Variants in FER1L5 observed in about 807,000 individuals in gnomAD.
FER1L5 encodes the protein fer-1-like protein 5.
FER1L5 carries 187 observed loss-of-function variants against 279.9 expected under a neutral mutation model. The ratio of observed to expected loss-of-function variants is 0.67; its 90% CI spans 0.59 to 0.75. The LOEUF is 0.75. Ranked by LOEUF, FER1L5 falls within the 30% of genes least tolerant of loss-of-function variation. The pLI is 0.00. For synonymous variants in FER1L5, 921 were observed against 989.7 expected (o/e 0.93, Z 1.30); for missense variants, 2,091 against 2,594.4 (o/e 0.81, Z 4.21).
At chr2:96,661,217 T>C in intron 10 of FER1L5, 108 bp from the exon 11 acceptor site, 1 of 688,470 alleles carries the variant, frequency 1.5e-6, no homozygotes, top group Non-Finnish European at 2.4e-6. Context: ...GAAAGCAGGA[T>C]GCCTGAGACC....
Position 96,692,905 on chromosome 2 carries a change from C to T in FER1L5, c.3293-601C>T, listed in dbSNP as rs758163057. Among the ~76,000 whole-genome samples, 64 of 152,072 alleles carry T rather than the reference C, an allele frequency of 4.2e-4. 2 individuals are homozygous for T. The highest frequency in any genetic ancestry group is 7.6e-4 in the Non-Finnish European group (52 of 67,998). The stretch of plus-strand genomic sequence containing the variant: ...GAAAGGGCAGCCACAGAGCTGGGCG[C>T]GGTGACTCACACCTGTAATTCCTGC... On this transcript the variant is annotated intron_variant, in intron 31 of 52. Coordinates refer to ENST00000624922, the MANE Select transcript of FER1L5 (RefSeq NM_001293083.2).
intron 50 of FER1L5, 86 bp downstream of exon 50, chr2:96,703,432 CTT>C: frequency 6.2e-7 from 1 of 1,604,826 alleles, no homozygotes; most frequent in East Asian, 2.2e-5. Flanking sequence ...AGCTAAATCC[CTT>C]TTCCTTTCTT....
Position 96,704,770 on chromosome 2 carries a change from C to G in FER1L5, c.*78C>G. ...CTGGCTACCAGTTCTTTGTTTCTAT[C>G]TTCTAGAATATATGCAAGATGCTAG... On this transcript the variant is annotated 3_prime_UTR_variant, in exon 53 of 53. Transcript: ENST00000624922. The G allele has an allele frequency of 9.1e-6, 10 of 1,104,458 alleles. 1 individual carries two copies. Among genetic ancestry groups the G allele is most frequent in the Middle Eastern group, 2.1e-4 (1 of 4,750 alleles). 68.4% of individuals were successfully genotyped at this position (1,104,458 alleles called of 1,614,324 possible).
rs1312961391 is a variant in FER1L5 at position 96,703,626 on chromosome 2, C to A, written c.5795C>A (p.Pro1932His). The A allele has an allele frequency of 1.2e-6, 2 of 1,613,738 alleles. No homozygotes were observed. The highest frequency in any genetic ancestry group is 1.7e-6 in the Non-Finnish European group (2 of 1,179,858). ...CCCAACCAGTACCCCACACTTCATC[C>A]TCCCCTGTAAGGGTCCTTGGGGCAA... is the stretch of plus-strand genomic sequence containing the variant. Reference protein sequence around the residue: ...SEPNQYPTLHPPLRTNTSFTW... With the variant: ...SEPNQYPTLHHPLRTNTSFTW... The change falls in exon 51 of 53, where the codon CCT becomes CAT. Residue 1932 changes from proline (P) to histidine (H), a missense_variant. Pro to His is a moderately conservative substitution (Grantham distance 77). Coordinates refer to ENST00000624922, the MANE Select transcript of FER1L5 (RefSeq NM_001293083.2).
chr2:96,682,543 G>A (rs1181013289), intron 19 of FER1L5, among the ~76,000 whole-genome samples: 1 of 152,214 alleles, frequency 6.6e-6, no homozygotes, highest in East Asian at 1.9e-4. Context: ...TTAGGACTAT[G>A]TACACTGGTT....
Position 96,704,428 on chromosome 2 carries a change from A to C in FER1L5, c.5950-40A>C. 1.9e-6 allele frequency: 3 copies of C among 1,613,014 alleles called. No homozygotes were observed. In the South Asian group the frequency reaches 3.3e-5, roughly 18 times the overall value. On this transcript the variant is annotated intron_variant, in intron 52 of 52. Coordinates refer to ENST00000624922, the MANE Select transcript of FER1L5 (RefSeq NM_001293083.2). ...GGATGACTCTGGGGACAGCGTCTTC[A>C]GCTTGCCACCCCAGGCTAACTGTTG...
In FER1L5 at chr2:96,699,929, C is replaced by T. The variant is rs1242921050; in HGVS notation, c.4782-3C>T. The T allele has an allele frequency of 1.9e-6, 3 of 1,613,200 alleles. No individual in the cohort carries two copies. The highest frequency in any genetic ancestry group is 2.5e-6 in the Non-Finnish European group (3 of 1,179,600). On this transcript the variant is annotated splice_region_variant and splice_polypyrimidine_tract_variant and intron_variant, in intron 43 of 52. Transcript: ENST00000624922. Reference sequence around the variant, plus strand: ...AGACCTCTTCCTCTCACATCCCCCACAGGTCAGGGCCCTTTAGATGGCGGG... The same window carrying T: ...AGACCTCTTCCTCTCACATCCCCCATAGGTCAGGGCCCTTTAGATGGCGGG...
At chr2:96,682,794 C>T (rs1439833033) in intron 19 of FER1L5, among the ~76,000 whole-genome samples, 2 of 152,232 alleles carry the variant, frequency 1.3e-5, no homozygotes, top group Non-Finnish European at 2.9e-5. Context: ...TAGCCTCAAA[C>T]TCCTGGGCTC....
At chr2:96,658,772 G>A (rs1376930721) in intron 9 of FER1L5, among the ~76,000 whole-genome samples, 2 of 152,012 alleles carry the variant, frequency 1.3e-5, no homozygotes, top group East Asian at 1.9e-4. Context: ...AACGACTAAC[G>A]ATGTTGAGCA....
At chr2:96,695,307 C>A in intron 34 of FER1L5, 1 of 665,458 alleles carries the variant, frequency 1.5e-6, no homozygotes, top group Non-Finnish European at 2.4e-6. Flanking sequence ...CGTCCCAGCC[C>A]CGAGGGCAAG....
Position 96,685,975 on chromosome 2 carries a change from C to T in FER1L5, c.1931C>T (p.Ala644Val). 2 of 1,549,678 alleles carry T rather than the reference C, an allele frequency of 1.3e-6. No homozygotes were observed. Among genetic ancestry groups the T allele is most frequent in the South Asian group, 2.4e-5 (2 of 83,768 alleles). Residue 644 changes from alanine to valine, a missense_variant, in exon 22 of 53, where the codon GCC becomes GTC. Coordinates refer to ENST00000624922, the MANE Select transcript of FER1L5 (RefSeq NM_001293083.2). ...PLPCMTYQPK[A>V]TSLDRKRWQL... is the part of the protein sequence containing the mutation. The stretch of plus-strand genomic sequence containing the variant: ...CCCTGCATGACCTATCAGCCCAAAG[C>T]CACCAGCCTGGACAGGAAGAGGTGG...
intron 12 of FER1L5, 38 bp from the exon 13 acceptor site, chr2:96,662,177 G>A (rs1436357305): frequency 6.5e-7 from 1 of 1,547,218 alleles, no homozygotes; most frequent in Non-Finnish European, 8.7e-7. Context: ...CCTGAAAAAT[G>A]CTGCTGGCTC....
chr2:96,702,145 C>A lies in FER1L5; in HGVS notation c.5159+102C>A. On this transcript the variant is annotated intron_variant, in intron 46 of 52. Coordinates refer to ENST00000624922, the MANE Select transcript of FER1L5 (RefSeq NM_001293083.2). This position sits in a 1 kb window ranked among gnomAD's most constrained non-coding sequence, Gnocchi z 4.0. ...GGTACTGAGCTGCAGTAATTCGTTT[C>A]TCTATTGGGAAGAGAGGAAGCTCTA... The A allele has an allele frequency of 6.4e-7, 1 of 1,571,700 alleles. No homozygotes were observed. The highest frequency in any genetic ancestry group is 2.3e-5 in the East Asian group (1 of 44,350).
intron 10 of FER1L5, among the ~76,000 whole-genome samples, chr2:96,660,735 G>C (rs1388384190): frequency 6.6e-6 from 1 of 152,004 alleles, no homozygotes; most frequent in Non-Finnish European, 1.5e-5. Flanking sequence ...TTTATTTTTA[G>C]TAGAGATGGG....
intron 9 of FER1L5, among the ~76,000 whole-genome samples, chr2:96,659,407 T>TTCCTTTCTTTCTTTCTTTCTTTCTG (rs2075811401): frequency 3.1e-4 from 2 of 6,374 alleles, no homozygotes; most frequent in Non-Finnish European, 5.7e-4. Flanking sequence ...CTTTCTTTCT[T>TTCCTTTCTTTCTTTCTTTCTTTCTG]TCTTTCTTTC....
rs1373143675 is a variant in FER1L5, at chr2:96,693,947, C to G, written c.3511C>G (p.Pro1171Ala). 3 of 1,551,486 alleles carry G rather than the reference C, an allele frequency of 1.9e-6. No homozygotes were observed. In the Admixed American group the frequency reaches 5.9e-5, roughly 30 times the overall value. Residue 1171 changes from proline to alanine, a missense_variant, in exon 33 of 53, where the codon CCA (proline) becomes GCA (alanine). By Grantham distance (27) the Pro-to-Ala change is conservative. Transcript: ENST00000624922. ...CTTGTGGGGACGGAGCGTGTGGCCC[C>G]CAATGGTCTGGCTGGATCTCCAGGA... The part of the protein sequence containing the change: ...ESLWGRSVWP[P>A]MVWLDLQDRI...
intron 13 of FER1L5, 97 bp downstream of exon 13, chr2:96,662,364 T>C: frequency 8.9e-7 from 1 of 1,122,500 alleles, no homozygotes; most frequent in Non-Finnish European, 1.3e-6. Flanking sequence ...ACAGGAATCA[T>C]CTCCCAGTCA....
chr2:96,673,251 G>C lies in FER1L5; in HGVS notation c.1666G>C (p.Asp556His). Residue 556 changes from aspartate to histidine, a missense_variant, in exon 19 of 53, where the codon GAT becomes CAT. Physicochemically the swap from Asp to His is moderately conservative, Grantham distance 81. Transcript: ENST00000624922. ...CACACCGTACAGCCCAGTGATATAT[G>C]ATGGTAATTGTCAGATTCAGGCAAT... ...SSTPYSPVIY[D>H]GNIYHYVPWY... 1 of 1,548,422 alleles carries C rather than the reference G, an allele frequency of 6.5e-7. No homozygotes were observed. Among genetic ancestry groups the C allele is most frequent in the Non-Finnish European group, 8.7e-7 (1 of 1,144,326 alleles).
intron 19 of FER1L5, among the ~76,000 whole-genome samples, chr2:96,677,264 G>T (rs1025765347): frequency 5.3e-5 from 8 of 152,164 alleles, no homozygotes; most frequent in Admixed American, 5.2e-4. Flanking sequence ...ACATACCACA[G>T]AATTCTCTTG....
Sources: gnomAD v4.1 joint callset for allele counts (sites outside exome capture counted in the v4.1 genomes callset) on GRCh38, gnomAD v4.1.1 for gene constraint, Gnocchi (gnomAD v3.1) non-coding constraint, MANE v1.5 for transcripts, NCBI Gene and HGNC (gene_info 2026-07-23, HGNC 2026-07-21) for gene names.